Variants in CCDC197 observed in about 807,000 individuals in gnomAD.
CCDC197 encodes uncharacterized protein CCDC197.
A neutral mutation model predicts 13.4 loss-of-function variants in CCDC197; 24 were observed. The observed-to-expected ratio is 1.80, with a 90% CI of 1.30 to 2.53. CCDC197 has a LOEUF of 2.53. CCDC197 is among the 30% of genes most tolerant of loss of function. The pLI, the probability that CCDC197 is intolerant of heterozygous loss-of-function variation, is 0.00. For missense variants in CCDC197, 255 were observed against 148.8 expected (o/e 1.71, Z -3.71); for synonymous variants, 99 against 55.5 (o/e 1.78, Z -3.48).
chr14:94,003,148 A>G lies in CCDC197; in HGVS notation c.367-75A>G, dbSNP rs942314636. ...CTCCTATCCTGTCATTGCACAGACCACCCTGGGGACTCAGACCAGGGCATA... is the reference window on the plus strand; with the variant it reads ...CTCCTATCCTGTCATTGCACAGACCGCCCTGGGGACTCAGACCAGGGCATA... On this transcript the variant is annotated intron_variant, in intron 4 of 6. Transcript: ENST00000636493. The surrounding 1 kb of genome is among the most constrained non-coding windows in gnomAD (Gnocchi z 5.0). 1.7e-5 allele frequency: 12 copies of G among 722,806 alleles called. No homozygotes were observed. The highest frequency in any genetic ancestry group is 2.8e-5 in the Non-Finnish European group (11 of 388,904). 44.8% of individuals were successfully genotyped at this position (722,806 alleles called of 1,614,324 possible). A position where few individuals can be genotyped will look rare whatever the true frequency, so the allele number is the denominator to read the frequency against.
At chr14:93,996,900 C>T (rs1269996557), upstream of CCDC197, among the ~76,000 whole-genome samples, 2 of 152,196 alleles carry the variant, frequency 1.3e-5, no homozygotes, top group Non-Finnish European at 2.9e-5. Context: ...TTGCTCCCAC[C>T]CCCTGCACGG....
Position 93,999,531 on chromosome 14 carries a change from T to C in CCDC197, c.105-52T>C, listed in dbSNP as rs2141358240. 4 of 777,024 alleles carry C rather than the reference T, an allele frequency of 5.1e-6. 1 individual carries two copies. Among genetic ancestry groups the C allele is most frequent in the Middle Eastern group, 4.6e-4 (2 of 4,346 alleles). 48.1% of individuals were successfully genotyped at this position (777,024 alleles called of 1,614,324 possible). On this transcript the variant is annotated intron_variant, in intron 2 of 6. Coordinates refer to ENST00000636493, the MANE Select transcript of CCDC197 (RefSeq NM_001351596.2). ...GTGGTCCAGGTTCATTCACAGGGGG[T>C]CCTGCGTGACCTGGGAGCCTCCAGG...
chr14:93,993,218 G>A (rs546646777), upstream of CCDC197, among the ~76,000 whole-genome samples: 7 of 152,236 alleles, frequency 4.6e-5, 1 homozygote, highest in South Asian at 1.0e-3. Context: ...AACGCCCATC[G>A]AATACCTACG....
chr14:93,999,608 G>C lies in CCDC197; in HGVS notation c.130G>C (p.Glu44Gln). The change falls in exon 3 of 7, where the codon GAG becomes CAG. Residue 44 changes from glutamate to glutamine, a missense_variant. Transcript: ENST00000636493. ...AKQKKLKREV[E>Q]KHKLFEDYLI... ...GCAGAAGAAGCTCAAGAGAGAAGTCGAGAAGCACAAGCTTTTTGAAGACTA... is the reference window on the plus strand; with the variant it reads ...GCAGAAGAAGCTCAAGAGAGAAGTCCAGAAGCACAAGCTTTTTGAAGACTA... 1.3e-6 allele frequency: 1 copy of C among 780,978 alleles called. No homozygotes were observed. The allele number at this position is 780,978 out of a possible 1,614,324, so 48.4% of individuals were successfully genotyped here.
chr14:94,001,588 C>T (rs1398285992), intron 4 of CCDC197: 1 of 345,458 alleles, frequency 2.9e-6, no homozygotes, highest in African/African-American at 2.1e-5. Context: ...GAGCTCGGCT[C>T]CCAGCTCAGC....
upstream of CCDC197, among the ~76,000 whole-genome samples, chr14:93,993,705 C>T (rs1449091150): frequency 1.3e-5 from 2 of 152,228 alleles, no homozygotes; most frequent in South Asian, 4.1e-4. Context: ...GGGCAGATTC[C>T]AGCCCCAGGA....
At position 94,003,611 on chromosome 14, in the gene CCDC197, A is replaced by G. The variant is rs1252842422; in HGVS notation, c.498+257A>G. ...CAGACACATACACACAAATGCACAG[A>G]CACACACAGACACACACACAGACAT... On this transcript the variant is annotated intron_variant, in intron 5 of 6. Coordinates refer to ENST00000636493, the MANE Select transcript of CCDC197 (RefSeq NM_001351596.2). This position sits in a 1 kb window ranked among gnomAD's most constrained non-coding sequence, Gnocchi z 5.0. Among the ~76,000 whole-genome samples, 1 of 89,486 alleles carries G rather than the reference A, an allele frequency of 1.1e-5. No individual in the cohort carries two copies. The highest frequency in any genetic ancestry group is 3.1e-5 in the African/African-American group (1 of 32,226). 58.7% of individuals were successfully genotyped at this position (89,486 alleles called of 152,430 possible).
Position 94,001,210 on chromosome 14 carries a change from C to A in CCDC197, c.253C>A (p.Leu85Ile), listed in dbSNP as rs896818069. The A allele has an allele frequency of 1.3e-6, 1 of 780,930 alleles. No individual in the cohort carries two copies. Among genetic ancestry groups the A allele is most frequent in the Non-Finnish European group, 2.4e-6 (1 of 418,072 alleles). The allele number at this position is 780,930 out of a possible 1,614,324, so 48.4% of individuals were successfully genotyped here. ...GGCCACGGTGAAGCACTACGGGAAGCTCTTCACAGCCAGCCAGGACACGCA... is the reference window on the plus strand; with the variant it reads ...GGCCACGGTGAAGCACTACGGGAAGATCTTCACAGCCAGCCAGGACACGCA... ...VEATVKHYGK[L>I]FTASQDTQKR... The change falls in exon 4 of 7, where the codon CTC (leucine) becomes ATC (isoleucine). Residue 85 changes from leucine (L) to isoleucine (I), a missense_variant. By Grantham distance (5) the Leu-to-Ile change is conservative. Transcript: ENST00000636493.
upstream of CCDC197, among the ~76,000 whole-genome samples, chr14:93,994,033 G>A (rs1386567266): frequency 6.6e-6 from 1 of 150,932 alleles, no homozygotes; most frequent in South Asian, 2.1e-4. Context: ...GTTGAGTGAG[G>A]CTGGGGAAGG....
intron 6 of CCDC197, chr14:94,007,401 C>T (rs562522569): frequency 2.2e-4 from 33 of 152,298 alleles, no homozygotes; most frequent in African/African-American, 7.0e-4. Context: ...TTTGAGTTTT[C>T]TCAGGACCCT....
At chr14:93,993,478 C>T (rs1025795169), upstream of CCDC197, among the ~76,000 whole-genome samples, 4 of 152,232 alleles carry the variant, frequency 2.6e-5, no homozygotes, top group African/African-American at 9.6e-5. Flanking sequence ...TTTCAGGAAA[C>T]TGAAACTCAG....
chr14:94,005,011 C>T, intron 6 of CCDC197, 40 bp downstream of exon 6: 1 of 692,420 alleles, frequency 1.4e-6, no homozygotes, highest in Non-Finnish European at 2.6e-6. Flanking sequence ...CTGACTGCCC[C>T]AGGCAAGACT....
chr14:93,994,176 T>C (rs1464678350), upstream of CCDC197, among the ~76,000 whole-genome samples: 2 of 152,180 alleles, frequency 1.3e-5, no homozygotes, highest in Admixed American at 6.5e-5. Flanking sequence ...GTGGGTCGTA[T>C]GCAGTTATGC....
chr14:94,005,988 A>T lies in CCDC197; in HGVS notation c.615+1017A>T, dbSNP rs944157799. 2.6e-5 allele frequency among the ~76,000 whole-genome samples: 4 copies of T among 152,186 alleles called. No homozygotes were observed. The East Asian group carries it at 7.7e-4, about 29-fold the overall frequency. On this transcript the variant is annotated intron_variant, in intron 6 of 6. Transcript: ENST00000636493. ...TTTGTGTACACATTTTTATGCAGAG[A>T]TATGTTTTCACTTCTCTTTGGTACG...
chr14:94,008,803 C>A lies in CCDC197; in HGVS notation c.810C>A (p.Gly270=). 1 of 700,356 alleles carries A rather than the reference C, an allele frequency of 1.4e-6. No homozygotes were observed. Among genetic ancestry groups the A allele is most frequent in the Non-Finnish European group, 2.6e-6 (1 of 383,218 alleles). 43.4% of individuals were successfully genotyped at this position (700,356 alleles called of 1,614,324 possible). Residue 270 remains glycine (G), a synonymous_variant, in exon 7 of 7, where the codon GGC becomes GGA. Coordinates refer to ENST00000636493, the MANE Select transcript of CCDC197 (RefSeq NM_001351596.2). ...GCCCCCATGCTTCAGAGTGCTCCGG[C>A]CTGTACTGACCAGCCTGCGCCTTGC... The part of the protein sequence containing the change: ...FPSPHASECS[G]LY
chr14:94,004,907 G>A lies in CCDC197; in HGVS notation c.551G>A (p.Cys184Tyr). ...QMTITNMARQ[C>Y]CPSAHGVPKS... ...ACCATCACCAACATGGCCCGGCAGT[G>A]CTGCCCCTCTGCCCACGGCGTGCCC... Residue 184 changes from cysteine (C) to tyrosine (Y), a missense_variant, in exon 6 of 7, where the codon TGC (cysteine) becomes TAC (tyrosine). Cys to Tyr is a radical substitution (Grantham distance 194). Coordinates refer to ENST00000636493, the MANE Select transcript of CCDC197 (RefSeq NM_001351596.2). The A allele has an allele frequency of 1.4e-6, 1 of 703,010 alleles. No individual in the cohort carries two copies. Among genetic ancestry groups the A allele is most frequent in the Non-Finnish European group, 2.6e-6 (1 of 385,000 alleles). 43.5% of individuals were successfully genotyped at this position (703,010 alleles called of 1,614,324 possible). A position where few individuals can be genotyped will look rare whatever the true frequency, so the allele number is the denominator to read the frequency against.
intron 5 of CCDC197, among the ~76,000 whole-genome samples, chr14:94,004,189 AC>A (rs1335420908): frequency 2.0e-5 from 3 of 151,986 alleles, no homozygotes; most frequent in Non-Finnish European, 4.4e-5. Flanking sequence ...TGGTCTGGTC[AC>A]CCCTGGACCC....
chr14:93,993,911 C>G (rs1303370383), upstream of CCDC197, among the ~76,000 whole-genome samples: 1 of 152,186 alleles, frequency 6.6e-6, no homozygotes, highest in South Asian at 2.1e-4. Context: ...GCTGTGGAAC[C>G]TTGGCAGCTC....
At chr14:93,992,912 C>T (rs928367068), upstream of CCDC197, among the ~76,000 whole-genome samples, 2 of 151,990 alleles carry the variant, frequency 1.3e-5, no homozygotes, top group African/African-American at 4.8e-5. Context: ...CTTCCTGGGC[C>T]CAGGATGCCC....
Sources: gnomAD v4.1 joint callset for allele counts (sites outside exome capture counted in the v4.1 genomes callset) on GRCh38, gnomAD v4.1.1 for gene constraint, Gnocchi (gnomAD v3.1) non-coding constraint, MANE v1.5 for transcripts, NCBI Gene and HGNC (gene_info 2026-07-23, HGNC 2026-07-21) for gene names.